Variants in SPTLC3 observed in about 807,000 individuals in gnomAD.
SPTLC3 encodes the protein serine palmitoyltransferase long chain base subunit 3.
A neutral mutation model predicts 59.3 loss-of-function variants in SPTLC3; 36 were observed. The ratio of observed to expected loss-of-function variants is 0.61; its 90% confidence interval spans 0.47 to 0.80. The LOEUF is 0.80. SPTLC3 is among the 30% of genes least tolerant of loss of function. The pLI is 0.00. For synonymous variants in SPTLC3, 257 were observed against 240.8 expected (o/e 1.07, Z -0.62); for missense variants, 625 against 685.1 (o/e 0.91, Z 0.98).
At position 13,110,126 on chromosome 20, in the gene SPTLC3, G is replaced by A; in HGVS notation, c.841G>A (p.Glu281Lys). The change falls in exon 7 of 12, where the codon GAG (glutamate) becomes AAG (lysine). Residue 281 changes from glutamate to lysine, a missense_variant. Coordinates refer to ENST00000399002, the MANE Select transcript of SPTLC3 (RefSeq NM_018327.4). Reference protein sequence around the residue: ...IFKHNNTQSLEKLLRDAVIYG... With the variant: ...IFKHNNTQSLKKLLRDAVIYG... ...ATTATTTAAAGACACACAAAGCCTA[G>A]AGAAGCTCCTGAGAGATGCTGTCAT... The A allele has an allele frequency of 6.2e-7, 1 of 1,611,864 alleles. No individual in the cohort carries two copies. Among genetic ancestry groups the A allele is most frequent in the Non-Finnish European group, 8.5e-7 (1 of 1,179,248 alleles).
intron 9 of SPTLC3, among the ~76,000 whole-genome samples, chr20:13,150,912 T>C (rs924782549): frequency 1.3e-4 from 20 of 152,322 alleles, no homozygotes; most frequent in African/African-American, 4.6e-4. Flanking sequence ...ATTTATTGAT[T>C]TTTTTCAGAT....
chr20:13,088,785 T>TTTA (rs1989096671), intron 4 of SPTLC3, among the ~76,000 whole-genome samples: 1 of 904 alleles, frequency 1.1e-3, no homozygotes, highest in Admixed American at 0.019. Flanking sequence ...CACCCGGCTA[T>TTTA]TTTTTTTTTT....
intron 4 of SPTLC3, among the ~76,000 whole-genome samples, chr20:13,090,400 C>T (rs1297640051): frequency 1.3e-5 from 2 of 152,090 alleles, no homozygotes; most frequent in Non-Finnish European, 2.9e-5. Flanking sequence ...TAAATTATAA[C>T]TAGTTTTATT....
At chr20:13,162,357 C>T (rs2038910762) in intron 11 of SPTLC3, among the ~76,000 whole-genome samples, 1 of 152,138 alleles carries the variant, frequency 6.6e-6, no homozygotes, top group African/African-American at 2.4e-5. Flanking sequence ...TGATTCTCTT[C>T]ACAACTTCTT....
rs2038972448 is a variant in SPTLC3 at position 13,165,487 on chromosome 20, T to C, written c.*620T>C. ...CTGATCAACTGCGACTAGAGACGTCTTTGAAGGAAATTTTCCTTTTCCTCT... is the reference window on the plus strand; with the variant it reads ...CTGATCAACTGCGACTAGAGACGTCCTTGAAGGAAATTTTCCTTTTCCTCT... On this transcript the variant is annotated 3_prime_UTR_variant, in exon 12 of 12. Transcript: ENST00000399002. The C allele has an allele frequency of 6.6e-6, 1 of 152,256 alleles. No individual in the cohort carries two copies. Among genetic ancestry groups the C allele is most frequent in the African/African-American group, 2.4e-5 (1 of 41,464 alleles). The allele number at this position is 152,256 out of a possible 1,614,324, so 9.4% of individuals were successfully genotyped here. A position where few individuals can be genotyped will look rare whatever the true frequency, so the allele number is the denominator to read the frequency against.
At chr20:13,081,071 A>C (rs970350516) in intron 4 of SPTLC3, among the ~76,000 whole-genome samples, 2 of 152,170 alleles carry the variant, frequency 1.3e-5, no homozygotes, top group African/African-American at 4.8e-5. Flanking sequence ...AACTGAAGCA[A>C]AATTAATATA....
intron 1 of SPTLC3, among the ~76,000 whole-genome samples, chr20:13,016,937 A>G (rs1985554682): frequency 6.6e-6 from 1 of 152,174 alleles, no homozygotes; most frequent in Non-Finnish European, 1.5e-5. Flanking sequence ...AGGTGAGGAA[A>G]CAGAAAGCTT....
In SPTLC3 at chr20:13,067,417, T is replaced by C. The variant is rs530756733; in HGVS notation, c.304-4839T>C. 1.5e-4 allele frequency among the ~76,000 whole-genome samples: 23 copies of C among 152,276 alleles called. 1 individual carries two copies. Among genetic ancestry groups the C allele is most frequent in the Non-Finnish European group, 2.1e-4 (14 of 68,014 alleles). On this transcript the variant is annotated intron_variant, in intron 2 of 11. Transcript: ENST00000399002. ...CATGCCAGTCTTCTCTGCAAATATT[T>C]GGACCCATGGTTTCCTGTGGTTTAA... is the stretch of plus-strand genomic sequence containing the variant.
intron 5 of SPTLC3, among the ~76,000 whole-genome samples, chr20:13,092,139 T>C (rs960713983): frequency 6.6e-5 from 10 of 152,198 alleles, no homozygotes; most frequent in African/African-American, 2.2e-4. Flanking sequence ...TTTTAACAGA[T>C]AAATAAGTTG....
chr20:13,030,198 A>G (rs1986367235), intron 1 of SPTLC3, among the ~76,000 whole-genome samples: 1 of 152,152 alleles, frequency 6.6e-6, no homozygotes, highest in South Asian at 2.1e-4. Flanking sequence ...AAGAAATGCC[A>G]CAGGGCACAC....
intron 1 of SPTLC3, among the ~76,000 whole-genome samples, chr20:13,026,060 G>A (rs899538774): frequency 3.9e-5 from 6 of 152,222 alleles, no homozygotes; most frequent in East Asian, 1.9e-4. Flanking sequence ...ACATACTCTC[G>A]TTCTTTTTTA....
chr20:13,019,113 A>G (rs1985728282), intron 1 of SPTLC3, among the ~76,000 whole-genome samples: 1 of 152,136 alleles, frequency 6.6e-6, no homozygotes, highest in African/African-American at 2.4e-5. Flanking sequence ...TGCCTAGAGG[A>G]GCTAGCAGGG....
In SPTLC3 at chr20:13,110,223, T is replaced by C; in HGVS notation, c.932+6T>C. ...CTGGTGGAGGGTGTCTACAGGTATG[T>C]AAATAACAGGACACATTTTACGACT... On this transcript the variant is annotated splice_donor_region_variant and intron_variant, in intron 7 of 11. Coordinates refer to ENST00000399002, the MANE Select transcript of SPTLC3 (RefSeq NM_018327.4). 6.2e-7 allele frequency: 1 copy of C among 1,610,994 alleles called. No individual in the cohort carries two copies. Among genetic ancestry groups the C allele is most frequent in the Non-Finnish European group, 8.5e-7 (1 of 1,178,474 alleles).
chr20:13,124,326 G>T (rs2037936697), intron 8 of SPTLC3, among the ~76,000 whole-genome samples: 1 of 151,740 alleles, frequency 6.6e-6, no homozygotes, highest in Admixed American at 6.6e-5. Flanking sequence ...AGGGGGAGAA[G>T]AAAAGAGGAA....
chr20:13,064,277 T>TG (rs1313658623), intron 2 of SPTLC3, among the ~76,000 whole-genome samples: 2 of 104,670 alleles, frequency 1.9e-5, no homozygotes, highest in African/African-American at 7.1e-5. Context: ...TTTTCTTTTT[T>TG]TTTTTTGTTT....
rs780109586 is a variant in SPTLC3, at chr20:13,093,535, G to A, written c.784G>A (p.Ala262Thr). The change falls in exon 6 of 12, where the codon GCC (alanine) becomes ACC (threonine). Residue 262 changes from alanine to threonine, a missense_variant. Ala to Thr is a moderately conservative substitution (Grantham distance 58). Transcript: ENST00000399002. ...AAACCACACATCGCTTGTGCTTGGG[G>A]CCCGACTCTCAGGTGCAACCATAAG... is the stretch of plus-strand genomic sequence containing the variant. ...ELNHTSLVLG[A>T]RLSGATIRIF... 1 of 1,613,552 alleles carries A rather than the reference G, an allele frequency of 6.2e-7. No individual in the cohort carries two copies. Among genetic ancestry groups the A allele is most frequent in the South Asian group, 1.1e-5 (1 of 91,076 alleles).
intron 7 of SPTLC3, among the ~76,000 whole-genome samples, chr20:13,116,821 C>T (rs1990584302): frequency 6.6e-6 from 1 of 152,180 alleles, no homozygotes; most frequent in Non-Finnish European, 1.5e-5. Context: ...CACCCAATAC[C>T]GACTGAATCA....
At chr20:13,103,064 CAT>C (rs1989670662) in intron 6 of SPTLC3, among the ~76,000 whole-genome samples, 1 of 152,204 alleles carries the variant, frequency 6.6e-6, no homozygotes, top group Admixed American at 6.5e-5. Flanking sequence ...CATCTATCCA[CAT>C]GTTTAAAGAG....
In SPTLC3 at chr20:13,167,507, A is replaced by G. The variant is rs984454581; in HGVS notation, c.*2640A>G. On this transcript the variant is annotated 3_prime_UTR_variant, in exon 12 of 12. Coordinates refer to ENST00000399002, the MANE Select transcript of SPTLC3 (RefSeq NM_018327.4). ...TTTTTCCTTTACGGAGTAAGCAACT[A>G]TGAAAATCTGGTTGGTTGAGAAATA... is the stretch of plus-strand genomic sequence containing the variant. 5 of 152,274 alleles carry G rather than the reference A, an allele frequency of 3.3e-5. No individual in the cohort carries two copies. Among genetic ancestry groups the G allele is most frequent in the East Asian group, 1.9e-4 (1 of 5,176 alleles). 9.4% of individuals were successfully genotyped at this position (152,274 alleles called of 1,614,324 possible). A position where few individuals can be genotyped will look rare whatever the true frequency, so the allele number is the denominator to read the frequency against.
Sources: gnomAD v4.1 joint callset for allele counts (sites outside exome capture counted in the v4.1 genomes callset) on GRCh38, gnomAD v4.1.1 for gene constraint, MANE v1.5 for transcripts, NCBI Gene and HGNC (gene_info 2026-07-23, HGNC 2026-07-21) for gene names.